AGPAT4: variants seen among roughly 807,000 people sequenced by gnomAD.
AGPAT4 encodes the protein 1-acylglycerol-3-phosphate O-acyltransferase 4.
Under a neutral mutation model 48.0 loss-of-function variants are expected in AGPAT4, and 15 were observed. That is an observed-to-expected ratio of 0.31 (90% CI 0.21 to 0.48). The LOEUF is 0.48. Ranked by LOEUF, AGPAT4 falls within the 20% of genes least tolerant of loss-of-function variation. AGPAT4 has a pLI of 0.99. For missense variants in AGPAT4, 314 were observed against 482.5 expected, an observed-to-expected ratio of 0.65 and a Z score of 3.27; for synonymous variants, 178 against 198.7, an observed-to-expected ratio of 0.90 and a Z score of 0.88.
In AGPAT4 at chr6:161,189,112, C is replaced by T. The variant is rs1470182577; in HGVS notation, c.179-22695G>A. Among the ~76,000 whole-genome samples, 2 of 152,156 alleles carry T rather than the reference C, an allele frequency of 1.3e-5. No homozygotes were observed. The highest frequency in any genetic ancestry group is 3.9e-4 in the East Asian group (2 of 5,190). On this transcript the variant is annotated intron_variant, in intron 2 of 8. Transcript: ENST00000320285. This position sits in a 1 kb window ranked among gnomAD's most constrained non-coding sequence, Gnocchi z 5.3. ...AAAACATCCCTGATAAATCATTTTG[C>T]CAGGGTTTCATCTACCAGGTGAGCT... is the stretch of plus-strand genomic sequence containing the variant.
In AGPAT4 at chr6:161,206,233, G is replaced by T. The variant is rs1194703755; in HGVS notation, c.178+25803C>A. The stretch of plus-strand genomic sequence containing the variant: ...CAACCCCCCATCAGCAAAGGTTGGG[G>T]TGGGGGGCTGTAATTTCACATCCTC... On this transcript the variant is annotated intron_variant, in intron 2 of 8. Coordinates refer to ENST00000320285, the MANE Select transcript of AGPAT4 (RefSeq NM_020133.3). This position sits in a 1 kb window ranked among gnomAD's most constrained non-coding sequence, Gnocchi z 4.8. Among the ~76,000 whole-genome samples, 1 of 152,160 alleles carries T rather than the reference G, an allele frequency of 6.6e-6. No individual in the cohort carries two copies. The highest frequency in any genetic ancestry group is 1.5e-5 in the Non-Finnish European group (1 of 68,024).
At chr6:161,167,076 C>T (rs1780121453) in intron 2 of AGPAT4, among the ~76,000 whole-genome samples, 1 of 152,208 alleles carries the variant, frequency 6.6e-6, no homozygotes, top group Non-Finnish European at 1.5e-5. Flanking sequence ...TCCAGGGAAC[C>T]TATTCCCAAT....
intron 2 of AGPAT4, among the ~76,000 whole-genome samples, chr6:161,175,330 G>C (rs997052208): frequency 3.9e-5 from 6 of 152,130 alleles, no homozygotes; most frequent in Admixed American, 3.9e-4. Flanking sequence ...TTCAGAACTT[G>C]TTATTGGTCT....
rs766727226 is a variant in AGPAT4 at position 161,131,017 on chromosome 6, A to G, written c.*5523T>C. 1 of 435,212 alleles carries G rather than the reference A, an allele frequency of 2.3e-6. No individual in the cohort carries two copies. Among genetic ancestry groups the G allele is most frequent in the Non-Finnish European group, 4.8e-6 (1 of 209,886 alleles). 27.0% of individuals were successfully genotyped at this position (435,212 alleles called of 1,614,324 possible). On this transcript the variant is annotated 3_prime_UTR_variant, in exon 9 of 9. Transcript: ENST00000320285. ...TTTGTGTAATTTATTTTGGAAATGC[A>G]AAGGAATTATTATGCAGCAATCTTA...
In AGPAT4 at chr6:161,137,893, C is replaced by T. The variant is rs1779123683; in HGVS notation, c.1043-1259G>A. 6.6e-6 allele frequency among the ~76,000 whole-genome samples: 1 copy of T among 152,126 alleles called. No homozygotes were observed. Among genetic ancestry groups the T allele is most frequent in the African/African-American group, 2.4e-5 (1 of 41,406 alleles). The stretch of plus-strand genomic sequence containing the variant: ...GTGTCCATACTGCACCCCTCAGATG[C>T]TCCTGGAGACGCCCTGTGTCCACAC... On this transcript the variant is annotated intron_variant, in intron 8 of 8. Coordinates refer to ENST00000320285, the MANE Select transcript of AGPAT4 (RefSeq NM_020133.3). This position sits in a 1 kb window ranked among gnomAD's most constrained non-coding sequence, Gnocchi z 6.1.
Position 161,144,144 on chromosome 6 carries a change from C to G in AGPAT4, c.843+2380G>C, listed in dbSNP as rs1447232999. 1.9e-6 allele frequency: 1 copy of G among 533,372 alleles called. No individual in the cohort carries two copies. The highest frequency in any genetic ancestry group is 3.8e-6 in the Non-Finnish European group (1 of 259,938). 33.0% of individuals were successfully genotyped at this position (533,372 alleles called of 1,614,324 possible). A position where few individuals can be genotyped will look rare whatever the true frequency, so the allele number is the denominator to read the frequency against. ...CCCTTGATGTCTATTCACCACTCTGCTTGGAGAAACCATGCACCACTTCCA... is the reference window on the plus strand; with the variant it reads ...CCCTTGATGTCTATTCACCACTCTGGTTGGAGAAACCATGCACCACTTCCA... On this transcript the variant is annotated intron_variant, in intron 7 of 8. Transcript: ENST00000320285. This position sits in a 1 kb window ranked among gnomAD's most constrained non-coding sequence, Gnocchi z 6.6.
In AGPAT4 at chr6:161,188,932, G is replaced by A. The variant is rs73782811; in HGVS notation, c.179-22515C>T. ...GCTTTCCCAAGGTCATGCCCATTCT[G>A]GGGGCAGAATTCCTGTACCAGCTGC... On this transcript the variant is annotated intron_variant, in intron 2 of 8. Transcript: ENST00000320285. Among the ~76,000 whole-genome samples the A allele has an allele frequency of 2.0e-3, 303 of 152,270 alleles. 1 individual carries two copies. The highest frequency in any genetic ancestry group is 6.9e-3 in the African/African-American group (287 of 41,532).
At chr6:161,191,954 T>C (rs1422143396) in intron 2 of AGPAT4, among the ~76,000 whole-genome samples, 1 of 152,074 alleles carries the variant, frequency 6.6e-6, no homozygotes, top group African/African-American at 2.4e-5. Context: ...TCCTCTCCCC[T>C]GGTTAGGACC....
chr6:161,208,627 A>G lies in AGPAT4; in HGVS notation c.178+23409T>C, dbSNP rs1333510355. 6.6e-6 allele frequency among the ~76,000 whole-genome samples: 1 copy of G among 152,226 alleles called. No individual in the cohort carries two copies. The highest frequency in any genetic ancestry group is 1.5e-5 in the Non-Finnish European group (1 of 68,044). On this transcript the variant is annotated intron_variant, in intron 2 of 8. Transcript: ENST00000320285. The surrounding 1 kb of genome is among the most constrained non-coding windows in gnomAD (Gnocchi z 4.6). The stretch of plus-strand genomic sequence containing the variant: ...ATGAACAACTTGGTTAAAAAAAGGT[A>G]ACTATCATTCATCACTTAGATCTTC...
chr6:161,205,851 C>T (rs1294600329), intron 2 of AGPAT4, among the ~76,000 whole-genome samples: 1 of 151,600 alleles, frequency 6.6e-6, no homozygotes, highest in Non-Finnish European at 1.5e-5. Flanking sequence ...TAAAATAGTT[C>T]TTCTAGATTT....
chr6:161,236,582 G>A lies in AGPAT4; in HGVS notation c.-89-4280C>T, dbSNP rs1373822865. Among the ~76,000 whole-genome samples the A allele has an allele frequency of 1.3e-5, 2 of 152,100 alleles. No homozygotes were observed. The highest frequency in any genetic ancestry group is 4.8e-5 in the African/African-American group (2 of 41,420). On this transcript the variant is annotated intron_variant, in intron 1 of 8. Transcript: ENST00000320285. The surrounding 1 kb of genome is among the most constrained non-coding windows in gnomAD (Gnocchi z 5.0). ...CACGGTTACCTCTGGGGGCAGACAA[G>A]TGACCCGATGAGGGCTTAAAGCAGT... is the stretch of plus-strand genomic sequence containing the variant.
rs779475794 is a variant in AGPAT4 at position 161,133,088 on chromosome 6, A to G, written c.*3452T>C. The G allele has an allele frequency of 2.0e-5, 3 of 152,240 alleles. No individual in the cohort carries two copies. Among genetic ancestry groups the G allele is most frequent in the Admixed American group, 6.5e-5 (1 of 15,284 alleles). The allele number at this position is 152,240 out of a possible 1,614,324, so 9.4% of individuals were successfully genotyped here. ...TGGATTAAATCTCTTGAGCAGAAGTAGAGACCCTAGAGAATCTTCACTGGA... is the reference window on the plus strand; with the variant it reads ...TGGATTAAATCTCTTGAGCAGAAGTGGAGACCCTAGAGAATCTTCACTGGA... On this transcript the variant is annotated 3_prime_UTR_variant, in exon 9 of 9. Coordinates refer to ENST00000320285, the MANE Select transcript of AGPAT4 (RefSeq NM_020133.3).
rs1783258618 is a variant in AGPAT4 at position 161,266,146 on chromosome 6, T to A, written c.-90+7792A>T. Among the ~76,000 whole-genome samples, 1 of 152,146 alleles carries A rather than the reference T, an allele frequency of 6.6e-6. No individual in the cohort carries two copies. The highest frequency in any genetic ancestry group is 1.5e-5 in the Non-Finnish European group (1 of 68,032). On this transcript the variant is annotated intron_variant, in intron 1 of 8. Transcript: ENST00000320285. The surrounding 1 kb of genome is among the most constrained non-coding windows in gnomAD (Gnocchi z 6.2). ...GGTGACTACTCCTGGCATGTAACAG[T>A]TAGAGGCCAGGAATGTGGCTGAGCA...
chr6:161,269,514 G>T (rs1277675180), intron 1 of AGPAT4, among the ~76,000 whole-genome samples: 1 of 152,170 alleles, frequency 6.6e-6, no homozygotes, highest in Non-Finnish European at 1.5e-5. Flanking sequence ...GGTGGCTCAC[G>T]CCTGCAGTCC....
At position 161,212,390 on chromosome 6, in the gene AGPAT4, A is replaced by C. The variant is rs1451022435; in HGVS notation, c.178+19646T>G. On this transcript the variant is annotated intron_variant, in intron 2 of 8. Coordinates refer to ENST00000320285, the MANE Select transcript of AGPAT4 (RefSeq NM_020133.3). This position sits in a 1 kb window ranked among gnomAD's most constrained non-coding sequence, Gnocchi z 6.1. Reference sequence around the variant, plus strand: ...GTATTAAACCTTTGTTATTTGACAAACTTGCCAAAATCAAATTATAAATTA... The same window carrying C: ...GTATTAAACCTTTGTTATTTGACAACCTTGCCAAAATCAAATTATAAATTA... Among the ~76,000 whole-genome samples the C allele has an allele frequency of 3.9e-5, 6 of 152,278 alleles. No individual in the cohort carries two copies. The highest frequency in any genetic ancestry group is 7.4e-5 in the Non-Finnish European group (5 of 68,006).
At chr6:161,241,891 C>T (rs1041044439) in intron 1 of AGPAT4, among the ~76,000 whole-genome samples, 3 of 152,136 alleles carry the variant, frequency 2.0e-5, no homozygotes, top group Admixed American at 2.0e-4. Flanking sequence ...CACTATCACG[C>T]TCGAATAATT....
At chr6:161,185,675 A>C (rs999419642) in intron 2 of AGPAT4, among the ~76,000 whole-genome samples, 1 of 151,862 alleles carries the variant, frequency 6.6e-6, no homozygotes, top group Admixed American at 6.5e-5. Flanking sequence ...AGTTCAAGAA[A>C]CAAGTTGCCT....
In AGPAT4 at chr6:161,149,603, G is replaced by A. The variant is rs974112708; in HGVS notation, c.665-314C>T. Among the ~76,000 whole-genome samples the A allele has an allele frequency of 1.3e-5, 2 of 151,916 alleles. No individual in the cohort carries two copies. Among genetic ancestry groups the A allele is most frequent in the Non-Finnish European group, 2.9e-5 (2 of 68,012 alleles). Reference sequence around the variant, plus strand: ...CTCTGTCACCCAGGAGTGCAGTGGTGCAATCTCGGCTCACTACAACCTCTG... The same window carrying A: ...CTCTGTCACCCAGGAGTGCAGTGGTACAATCTCGGCTCACTACAACCTCTG... On this transcript the variant is annotated intron_variant, in intron 5 of 8. Transcript: ENST00000320285. The surrounding 1 kb of genome is among the most constrained non-coding windows in gnomAD (Gnocchi z 6.5).
Position 161,231,631 on chromosome 6 carries a change from T to TA in AGPAT4, c.178+404dup, listed in dbSNP as rs141990480. On this transcript the variant is annotated intron_variant, in intron 2 of 8. Coordinates refer to ENST00000320285, the MANE Select transcript of AGPAT4 (RefSeq NM_020133.3). This position sits in a 1 kb window ranked among gnomAD's most constrained non-coding sequence, Gnocchi z 5.3. Reference sequence around the variant, plus strand: ...TATAGTATACTGCCACTTAGTTTTTTAAAAAAAAATACGTATGTATATGTA... The same window carrying TA: ...TATAGTATACTGCCACTTAGTTTTTTAAAAAAAAAATACGTATGTATATGTA... Among the ~76,000 whole-genome samples, 197 of 151,180 alleles carry TA rather than the reference T, an allele frequency of 1.3e-3. No homozygotes were observed. The highest frequency in any genetic ancestry group is 2.3e-3 in the Admixed American group (35 of 15,186).
Sources: gnomAD v4.1 joint callset for allele counts (sites outside exome capture counted in the v4.1 genomes callset) on GRCh38, gnomAD v4.1.1 for gene constraint, Gnocchi (gnomAD v3.1) non-coding constraint, MANE v1.5 for transcripts, NCBI Gene and HGNC (gene_info 2026-07-23, HGNC 2026-07-21) for gene names.